The following AGBL4 variants were observed in gnomAD, a reference collection of about 807,000 sequenced individuals.
The protein encoded by AGBL4 is AGBL carboxypeptidase 4.
AGBL4 carries 58 observed loss-of-function variants against 66.4 expected under a neutral mutation model. The observed-to-expected ratio is 0.87, with a 90% CI of 0.71 to 1.09. The LOEUF (loss-of-function observed/expected upper bound fraction) is 1.09, where lower values mean the gene tolerates loss of function less well. Ranked by LOEUF, AGBL4 falls within the 50% of genes least tolerant of loss-of-function variation. The pLI, the probability that AGBL4 is intolerant of heterozygous loss-of-function variation, is 0.00. For missense variants in AGBL4, 579 were observed against 631.0 expected, an observed-to-expected ratio of 0.92 and a Z score of 0.88; for synonymous variants, 234 against 222.9, an observed-to-expected ratio of 1.05 and a Z score of -0.44.
intron 3 of AGBL4, among the ~76,000 whole-genome samples, chr1:49,405,151 C>T (rs372816432): frequency 1.3e-5 from 2 of 152,312 alleles, no homozygotes; most frequent in African/African-American, 4.8e-5. Flanking sequence ...ACTCACCCTT[C>T]TCCAAATTCA....
intron 3 of AGBL4, among the ~76,000 whole-genome samples, chr1:49,453,009 A>T (rs1646312548): frequency 6.6e-6 from 1 of 151,904 alleles, no homozygotes; most frequent in South Asian, 2.1e-4. Flanking sequence ...GTTTAAAATG[A>T]ATTAGTTCTT....
intron 2 of AGBL4, among the ~76,000 whole-genome samples, chr1:49,705,085 G>A (rs1046981422): frequency 1.4e-4 from 21 of 152,022 alleles, no homozygotes; most frequent in Non-Finnish European, 2.6e-4. Flanking sequence ...ACTCGTTTGT[G>A]TCCTCTCTTA....
intron 2 of AGBL4, among the ~76,000 whole-genome samples, chr1:49,750,709 T>C (rs1353866328): frequency 6.6e-6 from 1 of 152,232 alleles, no homozygotes; most frequent in Non-Finnish European, 1.5e-5. Context: ...TATTGATTCT[T>C]CCTATCCATG....
chr1:48,894,228 T>C (rs190333787), intron 5 of AGBL4, among the ~76,000 whole-genome samples: 4 of 152,346 alleles, frequency 2.6e-5, no homozygotes, highest in African/African-American at 9.6e-5. Context: ...AAGACAATAG[T>C]TACATAAACT....
chr1:49,481,533 G>A (rs1405267190), intron 3 of AGBL4, among the ~76,000 whole-genome samples: 1 of 151,708 alleles, frequency 6.6e-6, no homozygotes, highest in African/African-American at 2.4e-5. Context: ...TTTGGACTGA[G>A]ATGGAGTTTT....
chr1:49,112,500 A>G (rs1288117182), intron 4 of AGBL4, among the ~76,000 whole-genome samples: 1 of 152,228 alleles, frequency 6.6e-6, no homozygotes. Context: ...TCCTTTCATG[A>G]AAACTTTCTC....
intron 6 of AGBL4, among the ~76,000 whole-genome samples, chr1:48,866,803 C>T (rs1648137268): frequency 6.6e-6 from 1 of 152,162 alleles, no homozygotes; most frequent in African/African-American, 2.4e-5. Context: ...ATCTTATGAG[C>T]CATCCTCCCT....
chr1:49,665,603 A>G (rs1183776185), intron 3 of AGBL4, among the ~76,000 whole-genome samples: 1 of 152,118 alleles, frequency 6.6e-6, no homozygotes, highest in African/African-American at 2.4e-5. Flanking sequence ...TCTATTCTTA[A>G]TTTTTCTAAA....
At chr1:48,669,283 A>G (rs978239844) in intron 6 of AGBL4, among the ~76,000 whole-genome samples, 2 of 152,202 alleles carry the variant, frequency 1.3e-5, no homozygotes, top group African/African-American at 4.8e-5. Context: ...ACATGGCTTC[A>G]CCTATAATAG....
chr1:49,121,681 G>A (rs896136373), intron 4 of AGBL4, among the ~76,000 whole-genome samples: 1 of 152,198 alleles, frequency 6.6e-6, no homozygotes, highest in Non-Finnish European at 1.5e-5. Context: ...CACTTGAGGA[G>A]GCAGTCTGTC....
At chr1:49,775,576 G>A (rs2147892923) in intron 2 of AGBL4, among the ~76,000 whole-genome samples, 1 of 151,886 alleles carries the variant, frequency 6.6e-6, no homozygotes, top group African/African-American at 2.4e-5. Context: ...TTTCTAACAG[G>A]TCAAGCTATA....
chr1:48,660,724 T>C (rs1246095089), intron 7 of AGBL4, among the ~76,000 whole-genome samples: 1 of 152,214 alleles, frequency 6.6e-6, no homozygotes, highest in African/African-American at 2.4e-5. Context: ...GGAGATGGAC[T>C]CCAGAACCAC....
At chr1:49,068,525 C>T (rs868511929) in intron 4 of AGBL4, among the ~76,000 whole-genome samples, 12 of 152,026 alleles carry the variant, frequency 7.9e-5, no homozygotes, top group Non-Finnish European at 1.2e-4. Flanking sequence ...ATGATGGTTT[C>T]CAGCTTCATC....
At chr1:49,823,084 C>A (rs1233434462) in intron 2 of AGBL4, among the ~76,000 whole-genome samples, 1 of 152,104 alleles carries the variant, frequency 6.6e-6, no homozygotes, top group Non-Finnish European at 1.5e-5. Context: ...AGTCTAGAAC[C>A]CTGAATCATC....
intron 9 of AGBL4, among the ~76,000 whole-genome samples, chr1:48,633,386 T>C (rs1352689073): frequency 6.6e-6 from 1 of 152,224 alleles, no homozygotes; most frequent in East Asian, 1.9e-4. Context: ...ATCTCTGAAG[T>C]ACCCCAACTG....
chr1:48,718,225 G>A (rs1364565174), intron 6 of AGBL4, among the ~76,000 whole-genome samples: 2 of 152,198 alleles, frequency 1.3e-5, no homozygotes, highest in Non-Finnish European at 2.9e-5. Flanking sequence ...ATCCCAGTAG[G>A]GTCTACTTGG....
intron 2 of AGBL4, among the ~76,000 whole-genome samples, chr1:49,765,120 C>A (rs941713410): frequency 2.0e-5 from 3 of 152,152 alleles, no homozygotes; most frequent in African/African-American, 7.2e-5. Context: ...CATTGCCCAG[C>A]TGTGTCCCTC....
chr1:49,249,477 C>A (rs545839048), intron 3 of AGBL4, among the ~76,000 whole-genome samples: 10 of 152,192 alleles, frequency 6.6e-5, no homozygotes, highest in African/African-American at 2.4e-4. Flanking sequence ...ACATTATCAA[C>A]ATCATTAATC....
intron 1 of AGBL4, among the ~76,000 whole-genome samples, 177 bp from the exon 2 acceptor site, chr1:49,851,695 G>T (rs1230646111): frequency 6.6e-6 from 1 of 152,016 alleles, no homozygotes; most frequent in Non-Finnish European, 1.5e-5. Flanking sequence ...ATGATATAGG[G>T]TCAAATTTCA....
Sources: allele counts gnomAD v4.1 joint callset (sites outside exome capture counted in the v4.1 genomes callset), GRCh38; gene constraint gnomAD v4.1.1; transcripts MANE v1.5; gene names NCBI Gene and HGNC (gene_info 2026-07-23, HGNC 2026-07-21).